TRPV3: variants seen among roughly 807,000 people sequenced by gnomAD.
The protein encoded by TRPV3 is VRL-3.
In TRPV3, 88 loss-of-function variants were observed where a neutral mutation model predicts 87.1. The observed-to-expected ratio is 1.01, with a 90% CI of 0.85 to 1.21. The LOEUF (loss-of-function observed/expected upper bound fraction) is 1.21. Ranked by LOEUF, TRPV3 falls within the 50% of genes most tolerant of loss-of-function variation. The pLI is 0.00. For missense variants in TRPV3, 1,054 were observed against 1,030.1 expected (o/e 1.02, Z -0.32); for synonymous variants, 438 against 423.3 (o/e 1.03, Z -0.43).
At chr17:3,514,413 A>T in intron 17 of TRPV3, 180 bp downstream of exon 17, 1 of 605,442 alleles carries the variant, frequency 1.7e-6, no homozygotes, top group Non-Finnish European at 2.9e-6. Context: ...GGGCTACGCC[A>T]TTTTAAAAGT....
intron 13 of TRPV3, among the ~76,000 whole-genome samples, chr17:3,522,600 A>C (rs568457372): frequency 6.9e-6 from 1 of 145,382 alleles, no homozygotes; most frequent in Non-Finnish European, 1.5e-5. Context: ...CGGACGGATC[A>C]CCTGAGGTCA....
rs1352088583 is a variant in TRPV3, at chr17:3,511,558, G to A, written c.*2359C>T. 1 of 152,174 alleles carries A rather than the reference G, an allele frequency of 6.6e-6. No individual in the cohort carries two copies. The highest frequency in any genetic ancestry group is 1.5e-5 in the Non-Finnish European group (1 of 68,042). The allele number at this position is 152,174 out of a possible 1,614,324, so 9.4% of individuals were successfully genotyped here. ...GGCTTCCCTTGGTAAACCTACCTAG[G>A]CTCAGACGTTTTGGCTGAAAGCCTT... On this transcript the variant is annotated 3_prime_UTR_variant, in exon 18 of 18. Coordinates refer to ENST00000576742, the MANE Select transcript of TRPV3 (RefSeq NM_145068.4).
chr17:3,528,876 G>A lies in TRPV3; in HGVS notation c.1362C>T (p.Thr454=), dbSNP rs1437483435. The change falls in exon 10 of 18, where the codon ACC becomes ACT. Residue 454 remains threonine, a synonymous_variant. Coordinates refer to ENST00000576742, the MANE Select transcript of TRPV3 (RefSeq NM_145068.4). The surrounding 1 kb of genome is among the most constrained non-coding windows in gnomAD (Gnocchi z 4.2). ...SFCFYFFYNI[T]LTLVSYYRPR... ...GGCGGTAGTACGAGACGAGGGTCAG[G>A]GTGATGTTGTAGAAGAAATAAAAGC... 8 of 1,614,182 alleles carry A rather than the reference G, an allele frequency of 5.0e-6. No individual in the cohort carries two copies. The highest frequency in any genetic ancestry group is 6.8e-6 in the Non-Finnish European group (8 of 1,180,032).
rs1278125477 is a variant in TRPV3, at chr17:3,557,580, A to G, written c.-3+96T>C. Reference sequence around the variant, plus strand: ...ACCCTCCTCCCAAGGCCTATTGGCCAAGGGCAGACATGGCCCAGAGGACCT... The same window carrying G: ...ACCCTCCTCCCAAGGCCTATTGGCCGAGGGCAGACATGGCCCAGAGGACCT... On this transcript the variant is annotated intron_variant, in intron 1 of 17. Transcript: ENST00000576742. This position sits in a 1 kb window ranked among gnomAD's most constrained non-coding sequence, Gnocchi z 4.5. The G allele has an allele frequency of 6.6e-6, 1 of 152,280 alleles. No individual in the cohort carries two copies. The highest frequency in any genetic ancestry group is 1.9e-4 in the East Asian group (1 of 5,180). The allele number at this position is 152,280 out of a possible 1,614,324, so 9.4% of individuals were successfully genotyped here. A position where few individuals can be genotyped will look rare whatever the true frequency, so the allele number is the denominator to read the frequency against.
At chr17:3,519,766 ATGGATGGATGGATGGATGGATAGC>A (rs1329472141) in intron 14 of TRPV3, among the ~76,000 whole-genome samples, 25 of 148,154 alleles carry the variant, frequency 1.7e-4, no homozygotes, top group Admixed American at 1.6e-3. Flanking sequence ...GAATGATTAG[ATGGATGGATGGATGGATGGATAGC>A]TGGATGGATG....
At position 3,524,178 on chromosome 17, in the gene TRPV3, C is replaced by T. The variant is rs201913995; in HGVS notation, c.1743+20G>A. ...GGCCATCCTCCGAGGGCCCTCCCGC[C>T]GGCGCAGCTCTCAACGCACCTTCTG... On this transcript the variant is annotated intron_variant, in intron 13 of 17. Transcript: ENST00000576742. 851 of 1,610,482 alleles carry T rather than the reference C, an allele frequency of 5.3e-4. 5 individuals carry two copies. Among genetic ancestry groups the T allele is most frequent in the South Asian group, 4.9e-3 (448 of 90,662 alleles).
rs768918001 is a variant in TRPV3 at position 3,556,521 on chromosome 17, G to C, written c.-3+1155C>G. 3.3e-5 allele frequency among the ~76,000 whole-genome samples: 5 copies of C among 152,154 alleles called. No homozygotes were observed. The highest frequency in any genetic ancestry group is 7.4e-5 in the Non-Finnish European group (5 of 68,006). On this transcript the variant is annotated intron_variant, in intron 1 of 17. Coordinates refer to ENST00000576742, the MANE Select transcript of TRPV3 (RefSeq NM_145068.4). The surrounding 1 kb of genome is among the most constrained non-coding windows in gnomAD (Gnocchi z 4.2). The stretch of plus-strand genomic sequence containing the variant: ...ACACATAGGTGGGGGCAGGAAGACG[G>C]ATTTCTGTAAGAAGAACCCAGCTGG...
chr17:3,546,267 C>A (rs989329238), intron 2 of TRPV3, among the ~76,000 whole-genome samples: 1 of 151,926 alleles, frequency 6.6e-6, no homozygotes, highest in African/African-American at 2.4e-5. Context: ...TATGGAGAAA[C>A]CCCGTCTCTA....
In TRPV3 at chr17:3,556,307, G is replaced by C. The variant is rs71360947; in HGVS notation, c.-3+1369C>G. The stretch of plus-strand genomic sequence containing the variant: ...ACATAGGAGAGCGCGGGCTGCGTTG[G>C]GGGGTGGGGGAGACCAGAAGCCAGG... On this transcript the variant is annotated intron_variant, in intron 1 of 17. Coordinates refer to ENST00000576742, the MANE Select transcript of TRPV3 (RefSeq NM_145068.4). This position sits in a 1 kb window ranked among gnomAD's most constrained non-coding sequence, Gnocchi z 4.2. Among the ~76,000 whole-genome samples, 113 of 152,176 alleles carry C rather than the reference G, an allele frequency of 7.4e-4. 2 individuals are homozygous for C. The highest frequency in any genetic ancestry group is 5.6e-3 in the South Asian group (27 of 4,818).
rs533882918 is a variant in TRPV3, at chr17:3,549,209, C to T, written c.120-3938G>A. On this transcript the variant is annotated intron_variant, in intron 2 of 17. Transcript: ENST00000576742. The stretch of plus-strand genomic sequence containing the variant: ...CCAGTCTGTCCCCTGCTCCCCATCC[C>T]GCCCTACCTGTCTGCATTCCTCAGT... Among the ~76,000 whole-genome samples the T allele has an allele frequency of 1.7e-4, 26 of 152,278 alleles. No individual in the cohort carries two copies. The East Asian group carries it at 4.6e-3, about 27-fold the overall frequency.
intron 2 of TRPV3, among the ~76,000 whole-genome samples, chr17:3,551,367 A>C (rs1200829457): frequency 6.6e-6 from 1 of 152,310 alleles, no homozygotes. Context: ...CCAGCGTCAT[A>C]AGCACATGGC....
chr17:3,536,747 T>C (rs1311463083), intron 6 of TRPV3, among the ~76,000 whole-genome samples: 1 of 152,050 alleles, frequency 6.6e-6, no homozygotes, highest in African/African-American at 2.4e-5. Flanking sequence ...AAGATCTAGG[T>C]ATTCAGCCCT....
At chr17:3,541,921 A>ATTTT (rs71379511) in intron 6 of TRPV3, among the ~76,000 whole-genome samples, 1 of 151,656 alleles carries the variant, frequency 6.6e-6, no homozygotes. Context: ...TAGAGCAGTG[A>ATTTT]CTTTCTTTCT....
At chr17:3,532,623 C>G in intron 8 of TRPV3, 34 bp downstream of exon 8, 1 of 1,608,200 alleles carries the variant, frequency 6.2e-7, no homozygotes, top group Non-Finnish European at 8.5e-7. Flanking sequence ...CCTGACCTCC[C>G]GACCTCCTGC....
chr17:3,537,800 G>A (rs2074421211), intron 6 of TRPV3, among the ~76,000 whole-genome samples: 1 of 150,358 alleles, frequency 6.7e-6, no homozygotes, highest in African/African-American at 2.4e-5. Context: ...CAGCTACTCA[G>A]GAGGTTGAAG....
At chr17:3,526,009 A>G (rs7212403) in intron 12 of TRPV3, among the ~76,000 whole-genome samples, 65,968 of 151,966 alleles carry the variant, frequency 0.43, 14,808 homozygotes, top group Non-Finnish European at 0.48. Flanking sequence ...CATAACATCC[A>G]TTATGCAGAC....
chr17:3,545,091 A>C, intron 3 of TRPV3, 76 bp downstream of exon 3: 1 of 1,001,924 alleles, frequency 1.0e-6, no homozygotes, highest in Admixed American at 2.0e-5. Flanking sequence ...CCCGTGACCC[A>C]GGGCAAGTCA....
chr17:3,514,703 C>T, intron 16 of TRPV3, 31 bp from the exon 17 acceptor site: 6 of 1,353,500 alleles, frequency 4.4e-6, no homozygotes, highest in Non-Finnish European at 6.2e-6. Context: ...CTTACTATTT[C>T]ACCAGTGCCT....
At chr17:3,538,658 C>T (rs1319372484) in intron 6 of TRPV3, among the ~76,000 whole-genome samples, 1 of 151,944 alleles carries the variant, frequency 6.6e-6, no homozygotes, top group Non-Finnish European at 1.5e-5. Context: ...GATCTCGGCT[C>T]ACTGCAACCT....
Sources: allele counts gnomAD v4.1 joint callset (sites outside exome capture counted in the v4.1 genomes callset), GRCh38; gene constraint gnomAD v4.1.1; non-coding constraint Gnocchi (gnomAD v3.1); transcripts MANE v1.5; gene names NCBI Gene and HGNC (gene_info 2026-07-23, HGNC 2026-07-21).